Variants in TTLL6 observed in about 807,000 individuals in gnomAD.
TTLL6 encodes tubulin polyglutamylase TTLL6.
Under a neutral mutation model 96.4 loss-of-function variants are expected in TTLL6, and 75 were observed. That is an observed-to-expected ratio of 0.78 (90% CI 0.65 to 0.94). TTLL6 has a LOEUF of 0.94. Ranked by LOEUF, TTLL6 falls within the 40% of genes least tolerant of loss-of-function variation. The probability of loss-of-function intolerance (pLI) is 0.00; values close to 1 mark genes in which losing one functional copy is unlikely to be tolerated. For missense variants in TTLL6, 1,030 were observed against 1,093.0 expected (o/e 0.94, Z 0.81); for synonymous variants, 411 against 419.4 (o/e 0.98, Z 0.24).
intron 13 of TTLL6, among the ~76,000 whole-genome samples, chr17:48,770,938 A>C (rs1362643872): frequency 1.2e-5 from 1 of 84,996 alleles, no homozygotes; most frequent in Non-Finnish European, 2.7e-5. Context: ...CAAAGAAACA[A>C]AAAAAAACAA....
chr17:48,813,098 C>G (rs2039617789), intron 1 of TTLL6, among the ~76,000 whole-genome samples: 1 of 152,184 alleles, frequency 6.6e-6, no homozygotes, highest in Non-Finnish European at 1.5e-5. Context: ...GTAAGAGGCA[C>G]AGCTGGGGTT....
Position 48,817,035 on chromosome 17 carries a change from G to C in TTLL6, c.38C>G (p.Pro13Arg). 6.5e-7 allele frequency: 1 copy of C among 1,544,376 alleles called. No homozygotes were observed. Among genetic ancestry groups the C allele is most frequent in the Non-Finnish European group, 8.7e-7 (1 of 1,145,768 alleles). ...AGTCCAGCTTGCAACCACACCTGCC[G>C]GCCCCCTCCTCGAAGGATGAAGGAG... The part of the protein sequence containing the change: ...ALLLHPSRRG[P>R]AGVVASWTSS... Residue 13 changes from proline (P) to arginine (R), a missense_variant, in exon 1 of 16, where the codon CCG becomes CGG. Coordinates refer to ENST00000393382, the MANE Select transcript of TTLL6 (RefSeq NM_001130918.3).
Position 48,769,727 on chromosome 17 carries a change from C to G in TTLL6, c.2410+1G>C. 6.2e-7 allele frequency: 1 copy of G among 1,613,274 alleles called. No homozygotes were observed. The highest frequency in any genetic ancestry group is 8.5e-7 in the Non-Finnish European group (1 of 1,179,650). ...ACATCCCTGTACACACTGGCACTCACGTGACAGGTTATTCATCCCCAGCTT... is the reference window on the plus strand; with the variant it reads ...ACATCCCTGTACACACTGGCACTCAGGTGACAGGTTATTCATCCCCAGCTT... On this transcript the variant is annotated splice_donor_variant, in intron 14 of 15. Transcript: ENST00000393382. LOFTEE classifies it high-confidence loss of function.
chr17:48,779,353 CAA>C (rs35763170), intron 13 of TTLL6, among the ~76,000 whole-genome samples: 3 of 46,258 alleles, frequency 6.5e-5, no homozygotes, highest in African/African-American at 9.2e-5. Context: ...GACTCTGTCT[CAA>C]AAAAAAAAAA....
At chr17:48,765,008 G>A (rs1426722465) in intron 15 of TTLL6, among the ~76,000 whole-genome samples, 4 of 152,114 alleles carry the variant, frequency 2.6e-5, no homozygotes, top group South Asian at 2.1e-4. Flanking sequence ...AAGAGTTTGG[G>A]GCTTGAGAAT....
At chr17:48,781,111 G>A (rs145689017) in intron 13 of TTLL6, among the ~76,000 whole-genome samples, 3,005 of 151,532 alleles carry the variant, frequency 0.02, 108 homozygotes, top group African/African-American at 0.069. Flanking sequence ...GCAGTGGCGC[G>A]ATCTTGGCTC....
rs1295666252 is a variant in TTLL6 at position 48,785,214 on chromosome 17, G to A, written c.1762-13C>T. 6.2e-7 allele frequency: 1 copy of A among 1,614,008 alleles called. No individual in the cohort carries two copies. The highest frequency in any genetic ancestry group is 1.1e-5 in the South Asian group (1 of 91,022). The stretch of plus-strand genomic sequence containing the variant: ...ATGGCTGGATGTACTGAGGGAGGAA[G>A]AAACCACAACACACAGCCATGGGAA... On this transcript the variant is annotated splice_polypyrimidine_tract_variant and intron_variant, in intron 12 of 15. Transcript: ENST00000393382.
At chr17:48,783,436 TG>T (rs550423972) in intron 13 of TTLL6, among the ~76,000 whole-genome samples, 58 of 30,040 alleles carry the variant, frequency 1.9e-3, no homozygotes, top group Non-Finnish European at 3.9e-3. Context: ...TAAAAAATAT[TG>T]TTTTTTTTTT....
At chr17:48,809,356 C>T (rs574596810) in intron 1 of TTLL6, among the ~76,000 whole-genome samples, 11 of 152,260 alleles carry the variant, frequency 7.2e-5, no homozygotes, top group South Asian at 2.1e-4. Context: ...TGAAGGTAAA[C>T]GGCTAGCTCC....
In TTLL6 at chr17:48,785,056, G is replaced by A. The variant is rs149641326; in HGVS notation, c.1907C>T (p.Ala636Val). The A allele has an allele frequency of 2.4e-4, 383 of 1,614,100 alleles. 1 individual carries two copies. Among genetic ancestry groups the A allele is most frequent in the African/African-American group, 1.6e-3 (118 of 75,048 alleles). Residue 636 changes from alanine (A) to valine (V), a missense_variant, in exon 13 of 16, where the codon GCG (alanine) becomes GTG (valine). Ala to Val is a moderately conservative substitution (Grantham distance 64). Transcript: ENST00000393382. The stretch of plus-strand genomic sequence containing the variant: ...ATCGGGTAGAGAACTGAAGGGCTTC[G>A]CAGACGTCAGCTTGGGGAAAACAGA... The part of the protein sequence containing the change: ...ASSVFPKLTS[A>V]KPFSSLPDLR...
At chr17:48,794,428 A>C in intron 8 of TTLL6, 216 of 1,384,226 alleles carry the variant, frequency 1.6e-4, no homozygotes, top group Middle Eastern at 3.7e-4. Context: ...AGGGAGTCTC[A>C]TCACGTTCAT....
rs1555563994 is a variant in TTLL6 at position 48,777,047 on chromosome 17, C to CACACACAT, written c.2041-6951_2041-6950insATGTGTGT. On this transcript the variant is annotated intron_variant, in intron 13 of 15. Coordinates refer to ENST00000393382, the MANE Select transcript of TTLL6 (RefSeq NM_001130918.3). ...ACACACACACACACACACACACACA[C>CACACACAT]ACCCCTAAAAAATCAAAGGAACAGA... is the stretch of plus-strand genomic sequence containing the variant. Among the ~76,000 whole-genome samples, 8 of 151,794 alleles carry CACACACAT rather than the reference C, an allele frequency of 5.3e-5. No individual in the cohort carries two copies. The South Asian group carries it at 1.7e-3, about 32-fold the overall frequency.
At chr17:48,799,558 C>T (rs371830880) in intron 6 of TTLL6, 46 bp downstream of exon 6, 37 of 1,532,572 alleles carry the variant, frequency 2.4e-5, no homozygotes, top group Middle Eastern at 1.8e-4. Context: ...AGCTAAAGTC[C>T]GCGGTTGCTG....
Position 48,790,667 on chromosome 17 carries a change from ATCCCTCT to A in TTLL6, c.1225-568_1225-562del, listed in dbSNP as rs201686066. ...TTGGGTAAGGGCTGCAAACAGGCAC[ATCCCTCT>A]TCCCACCACACCTACAAGGGCTGGG... is the stretch of plus-strand genomic sequence containing the variant. On this transcript the variant is annotated intron_variant, in intron 9 of 15. Transcript: ENST00000393382. Among the ~76,000 whole-genome samples, 7 of 152,354 alleles carry A rather than the reference ATCCCTCT, an allele frequency of 4.6e-5. No homozygotes were observed. The East Asian group carries it at 1.2e-3, about 25-fold the overall frequency.
chr17:48,768,861 G>T (rs2038671268), intron 15 of TTLL6, 128 bp downstream of exon 15: 2 of 1,040,044 alleles, frequency 1.9e-6, no homozygotes, highest in Non-Finnish European at 2.8e-6. Context: ...TTTTTACTAA[G>T]TCTTCATTGT....
intron 15 of TTLL6, among the ~76,000 whole-genome samples, chr17:48,764,251 A>G (rs1459591451): frequency 6.6e-6 from 1 of 152,224 alleles, no homozygotes; most frequent in Non-Finnish European, 1.5e-5. Flanking sequence ...GTCCAGAGGA[A>G]GAAGAATGAT....
Position 48,770,042 on chromosome 17 carries a change from G to A in TTLL6, c.2096C>T (p.Pro699Leu). ...PESTTQLSISPKSPPTLAVTA... is the reference protein window; with the variant it reads ...PESTTQLSISLKSPPTLAVTA... ...CACAGCCAGGGTTGGCGGAGACTTTGGGGAGATTGAGAGTTGGGTGGTGGA... is the reference window on the plus strand; with the variant it reads ...CACAGCCAGGGTTGGCGGAGACTTTAGGGAGATTGAGAGTTGGGTGGTGGA... Residue 699 changes from proline to leucine, a missense_variant, in exon 14 of 16, where the codon CCA becomes CTA. Pro to Leu is a moderately conservative substitution (Grantham distance 98). Transcript: ENST00000393382. 6.2e-7 allele frequency: 1 copy of A among 1,614,072 alleles called. No individual in the cohort carries two copies. The highest frequency in any genetic ancestry group is 8.5e-7 in the Non-Finnish European group (1 of 1,179,936).
chr17:48,788,368 C>A (rs534595414), intron 10 of TTLL6, among the ~76,000 whole-genome samples: 1 of 152,162 alleles, frequency 6.6e-6, no homozygotes, highest in Non-Finnish European at 1.5e-5. Flanking sequence ...GCACTTTTGC[C>A]GAATTTGAGG....
chr17:48,788,012 A>C lies in TTLL6; in HGVS notation c.1401-13T>G. ...GGCTTCCTCAATCCTGTTGGGAAGCAGAACATGGGGCTGCTGTCAGGTTTT... is the reference window on the plus strand; with the variant it reads ...GGCTTCCTCAATCCTGTTGGGAAGCCGAACATGGGGCTGCTGTCAGGTTTT... On this transcript the variant is annotated splice_polypyrimidine_tract_variant and intron_variant, in intron 10 of 15. Transcript: ENST00000393382. The C allele has an allele frequency of 6.2e-7, 1 of 1,610,492 alleles. No homozygotes were observed. Among genetic ancestry groups the C allele is most frequent in the East Asian group, 2.2e-5 (1 of 44,808 alleles).
Sources: gnomAD v4.1 joint callset for allele counts (sites outside exome capture counted in the v4.1 genomes callset) on GRCh38, gnomAD v4.1.1 for gene constraint, MANE v1.5 for transcripts, NCBI Gene and HGNC (gene_info 2026-07-23, HGNC 2026-07-21) for gene names.